Variants in ZNF576 observed in about 807,000 individuals in gnomAD.
The protein encoded by ZNF576 is zinc finger protein 576.
Under a neutral mutation model 10.8 loss-of-function variants are expected in ZNF576, and 9 were observed. The ratio of observed to expected loss-of-function variants is 0.84; its 90% CI spans 0.50 to 1.46. The LOEUF is 1.46. ZNF576 is among the 40% of genes most tolerant of loss of function. ZNF576 has a pLI of 0.00. For synonymous variants in ZNF576, 88 were observed against 89.6 expected (o/e 0.98, Z 0.10); for missense variants, 191 against 233.7 (o/e 0.82, Z 1.19).
At position 43,599,154 on chromosome 19, in the gene ZNF576, C is replaced by T. The variant is rs749493882; in HGVS notation, c.409C>T (p.Arg137Cys). 3.7e-5 allele frequency: 60 copies of T among 1,614,132 alleles called. No homozygotes were observed. Among genetic ancestry groups the T allele is most frequent in the Non-Finnish European group, 4.6e-5 (54 of 1,180,062 alleles). The change falls in exon 3 of 3, where the codon CGT (arginine) becomes TGT (cysteine). Residue 137 changes from arginine (R) to cysteine (C), a missense_variant. By Grantham distance (180) the Arg-to-Cys change is radical. Transcript: ENST00000336564. ...GCGGCACCGCCAGATGCATGAGGTC[C>T]GTGCCCCTCCTGGCACCTTCGCCTG... ...LRRHRQMHEV[R>C]APPGTFACTE...
chr19:43,599,181 A>C lies in ZNF576; in HGVS notation c.436A>C (p.Thr146Pro), dbSNP rs1405960536. The change falls in exon 3 of 3, where the codon ACA becomes CCA. Residue 146 changes from threonine (T) to proline (P), a missense_variant. Transcript: ENST00000336564. Reference sequence around the variant, plus strand: ...TGCCCCTCCTGGCACCTTCGCCTGCACAGAGTGCGGTCAGGACTTTGCTCA... The same window carrying C: ...TGCCCCTCCTGGCACCTTCGCCTGCCCAGAGTGCGGTCAGGACTTTGCTCA... ...VRAPPGTFACTECGQDFAQEA... is the reference protein window; with the variant it reads ...VRAPPGTFACPECGQDFAQEA... 6.2e-7 allele frequency: 1 copy of C among 1,614,190 alleles called. No individual in the cohort carries two copies. The highest frequency in any genetic ancestry group is 8.5e-7 in the Non-Finnish European group (1 of 1,180,004).
At chr19:43,597,916 G>A (rs986421786) in intron 2 of ZNF576, among the ~76,000 whole-genome samples, 1 of 151,796 alleles carries the variant, frequency 6.6e-6, no homozygotes, top group African/African-American at 2.4e-5. Flanking sequence ...ACCATGGGGG[G>A]ACTGTGGGGT....
chr19:43,597,248 A>C, intron 2 of ZNF576, 55 bp downstream of exon 2: 1 of 1,525,998 alleles, frequency 6.6e-7, no homozygotes, highest in Non-Finnish European at 9.1e-7. Flanking sequence ...AGCTGATGCT[A>C]AGATCTCTGT....
intron 2 of ZNF576, 23 bp from the exon 3 acceptor site, chr19:43,598,808 G>C: frequency 6.5e-7 from 1 of 1,532,122 alleles, no homozygotes; most frequent in Non-Finnish European, 8.8e-7. Context: ...GGCCTCCCCT[G>C]ACCTCTCCCC....
chr19:43,596,880 G>T lies in ZNF576; in HGVS notation c.-16+137G>T, dbSNP rs973490920. The T allele has an allele frequency of 3.2e-5, 16 of 504,570 alleles. No individual in the cohort carries two copies. In the East Asian group the frequency reaches 5.6e-4, roughly 18 times the overall value. 31.3% of individuals were successfully genotyped at this position (504,570 alleles called of 1,614,324 possible). On this transcript the variant is annotated intron_variant, in intron 1 of 2. Coordinates refer to ENST00000336564, the MANE Select transcript of ZNF576 (RefSeq NM_001145347.2). ...TCACACCAGTGAGAAGACTCTAGGG[G>T]AGTCCCAAACCCAGGAAATCCAGTC...
rs1277609446 is a variant in ZNF576, at chr19:43,598,693, C to T, written c.86-138C>T. ...TAAAATAGGTGCAAGAACAGTTCTC[C>T]TGTTTGGTTGTCCAGCATTAGCATA... On this transcript the variant is annotated intron_variant, in intron 2 of 2. Coordinates refer to ENST00000336564, the MANE Select transcript of ZNF576 (RefSeq NM_001145347.2). 8 of 728,540 alleles carry T rather than the reference C, an allele frequency of 1.1e-5. No homozygotes were observed. In the East Asian group the frequency reaches 1.9e-4, roughly 17 times the overall value. The allele number at this position is 728,540 out of a possible 1,614,324, so 45.1% of individuals were successfully genotyped here. A position where few individuals can be genotyped will look rare whatever the true frequency, so the allele number is the denominator to read the frequency against.
chr19:43,599,324 G>A lies in ZNF576; in HGVS notation c.*66G>A. The A allele has an allele frequency of 6.6e-7, 1 of 1,516,934 alleles. No homozygotes were observed. The highest frequency in any genetic ancestry group is 1.4e-5 in the African/African-American group (1 of 72,888). 94.0% of individuals were successfully genotyped at this position (1,516,934 alleles called of 1,614,324 possible). ...GCTGGTAGGACTCACCCATGATATGGGGTGCAGGAACTCTGGGGGCCCTGA... is the reference window on the plus strand; with the variant it reads ...GCTGGTAGGACTCACCCATGATATGAGGTGCAGGAACTCTGGGGGCCCTGA... On this transcript the variant is annotated 3_prime_UTR_variant, in exon 3 of 3. Coordinates refer to ENST00000336564, the MANE Select transcript of ZNF576 (RefSeq NM_001145347.2).
At chr19:43,598,185 G>T (rs1240864814) in intron 2 of ZNF576, among the ~76,000 whole-genome samples, 3 of 152,162 alleles carry the variant, frequency 2.0e-5, no homozygotes, top group Non-Finnish European at 4.4e-5. Flanking sequence ...TGCTTGGACA[G>T]TATTCATATT....
In ZNF576 at chr19:43,599,259, G is replaced by A; in HGVS notation, c.*1G>A. On this transcript the variant is annotated 3_prime_UTR_variant, in exon 3 of 3. Coordinates refer to ENST00000336564, the MANE Select transcript of ZNF576 (RefSeq NM_001145347.2). ...TCGGCATGCCCGGGGGGAGCTCTGA[G>A]TGCAGCTTAAGCCTCTCCACGGTGA... 1 of 1,612,152 alleles carries A rather than the reference G, an allele frequency of 6.2e-7. No homozygotes were observed. The highest frequency in any genetic ancestry group is 8.5e-7 in the Non-Finnish European group (1 of 1,178,718).
chr19:43,597,045 CTGG>C, intron 1 of ZNF576, 46 bp from the exon 2 acceptor site: 1 of 1,558,614 alleles, frequency 6.4e-7, no homozygotes, highest in Non-Finnish European at 8.8e-7. Flanking sequence ...CCCTCTAAGA[CTGG>C]TAACAGATGA....
Position 43,597,204 on chromosome 19 carries a change from A to G in ZNF576, c.85+11A>G, listed in dbSNP as rs192277512. On this transcript the variant is annotated intron_variant, in intron 2 of 2. Transcript: ENST00000336564. ...CAGGAGGCAACATCTGTGAGTACAC[A>G]TGGCTGGCGGGCTAGAGGAGGGTGG... is the stretch of plus-strand genomic sequence containing the variant. The G allele has an allele frequency of 1.1e-5, 17 of 1,613,134 alleles. No individual in the cohort carries two copies. Among genetic ancestry groups the G allele is most frequent in the Admixed American group, 5.0e-5 (3 of 60,008 alleles).
rs954262839 is a variant in ZNF576, at chr19:43,598,937, G to C, written c.192G>C (p.Gln64His). 1.2e-6 allele frequency: 2 copies of C among 1,613,948 alleles called. No individual in the cohort carries two copies. The highest frequency in any genetic ancestry group is 1.7e-6 in the Non-Finnish European group (2 of 1,179,834). Residue 64 changes from glutamine (Q) to histidine (H), a missense_variant, in exon 3 of 3, where the codon CAG becomes CAC. Physicochemically the swap from Gln to His is conservative, Grantham distance 24. Transcript: ENST00000336564. ...KREHPADFVA[Q>H]KLQGVLFICF... Reference sequence around the variant, plus strand: ...AGCACCCAGCGGACTTCGTGGCCCAGAAGCTGCAGGGGGTCCTCTTCATCT... The same window carrying C: ...AGCACCCAGCGGACTTCGTGGCCCACAAGCTGCAGGGGGTCCTCTTCATCT...
rs1973180285 is a variant in ZNF576 at position 43,599,020 on chromosome 19, G to A, written c.275G>A (p.Ser92Asn). The change falls in exon 3 of 3, where the codon AGC (serine) becomes AAC (asparagine). Residue 92 changes from serine (S) to asparagine (N), a missense_variant. By Grantham distance (46) the Ser-to-Asn change is conservative. Transcript: ENST00000336564. ...AAAGCCCTAATCACCCACCAGCGCA[G>A]CCACGGTCCAGCCGCCAAGCCCACC... Reference protein sequence around the residue: ...SSKALITHQRSHGPAAKPTLP... With the variant: ...SSKALITHQRNHGPAAKPTLP... 1 of 1,614,138 alleles carries A rather than the reference G, an allele frequency of 6.2e-7. No individual in the cohort carries two copies. The highest frequency in any genetic ancestry group is 8.5e-7 in the Non-Finnish European group (1 of 1,180,018).
rs980962099 is a variant in ZNF576, at chr19:43,600,648, T to A, written c.*1390T>A. 6.6e-6 allele frequency: 1 copy of A among 152,166 alleles called. No homozygotes were observed. The highest frequency in any genetic ancestry group is 2.4e-5 in the African/African-American group (1 of 41,426). 9.4% of individuals were successfully genotyped at this position (152,166 alleles called of 1,614,324 possible). A position where few individuals can be genotyped will look rare whatever the true frequency, so the allele number is the denominator to read the frequency against. On this transcript the variant is annotated 3_prime_UTR_variant, in exon 3 of 3. Transcript: ENST00000336564. ...GGTGGATCACCTGAGGTCAGGAGTT[T>A]GAGACCAGCCTGGCCAACATGGTGA...
In ZNF576 at chr19:43,598,840, G is replaced by A. The variant is rs774844095; in HGVS notation, c.95G>A (p.Gly32Glu). The A allele has an allele frequency of 5.2e-5, 81 of 1,555,132 alleles. No individual in the cohort carries two copies. The highest frequency in any genetic ancestry group is 6.9e-5 in the Non-Finnish European group (79 of 1,146,188). Residue 32 changes from glycine to glutamate, a missense_variant, in exon 3 of 3, where the codon GGG becomes GAG. Gly to Glu is a moderately conservative substitution (Grantham distance 98). Transcript: ENST00000336564. The part of the protein sequence containing the change: ...QSPGGNICHL[G>E]APKCTRCLIT... Reference sequence around the variant, plus strand: ...CCCCCACATTCCTCAGGCCACCTGGGGGCCCCGAAGTGCACCCGCTGCCTC... The same window carrying A: ...CCCCCACATTCCTCAGGCCACCTGGAGGCCCCGAAGTGCACCCGCTGCCTC...
intron 1 of ZNF576, 93 bp from the exon 2 acceptor site, chr19:43,597,001 C>T: frequency 6.0e-6 from 6 of 994,726 alleles, no homozygotes; most frequent in Non-Finnish European, 9.4e-6. Flanking sequence ...CAAGGAGAGC[C>T]TCTGGCGATG....
chr19:43,596,990 G>T (rs990169402), intron 1 of ZNF576, 104 bp from the exon 2 acceptor site: 3 of 874,156 alleles, frequency 3.4e-6, no homozygotes, highest in African/African-American at 1.7e-5. Flanking sequence ...TCAAAGGCAG[G>T]CAAGGAGAGC....
In ZNF576 at chr19:43,599,489, T is replaced by TA. The variant is rs58114847; in HGVS notation, c.*243dup. ...ATCAGATAATAATGAGATCTTTTGT[T>TA]AAAAAAAAAAAATGGGAAGGGAGTG... On this transcript the variant is annotated 3_prime_UTR_variant, in exon 3 of 3. Transcript: ENST00000336564. 0.035 allele frequency: 14,632 copies of TA among 412,292 alleles called. 20 individuals carry two copies. The highest frequency in any genetic ancestry group is 0.044 in the East Asian group (1,061 of 24,382). 25.5% of individuals were successfully genotyped at this position (412,292 alleles called of 1,614,324 possible).
chr19:43,599,484 T>C lies in ZNF576; in HGVS notation c.*226T>C. The C allele has an allele frequency of 2.0e-6, 1 of 510,618 alleles. No individual in the cohort carries two copies. Among genetic ancestry groups the C allele is most frequent in the South Asian group, 3.3e-5 (1 of 30,490 alleles). 31.6% of individuals were successfully genotyped at this position (510,618 alleles called of 1,614,324 possible). On this transcript the variant is annotated 3_prime_UTR_variant, in exon 3 of 3. Transcript: ENST00000336564. ...GTGAAATCAGATAATAATGAGATCT[T>C]TTGTTAAAAAAAAAAAATGGGAAGG...
Sources: gnomAD v4.1 joint callset for allele counts (sites outside exome capture counted in the v4.1 genomes callset) on GRCh38, gnomAD v4.1.1 for gene constraint, MANE v1.5 for transcripts, NCBI Gene and HGNC (gene_info 2026-07-23, HGNC 2026-07-21) for gene names.